The following PDZD2 variants were observed in gnomAD, a reference collection of about 807,000 sequenced individuals.
PDZD2 encodes the protein PDZ domain containing 2.
PDZD2 carries 90 observed loss-of-function variants against 220.7 expected under a neutral mutation model. That is an observed-to-expected ratio of 0.41 (90% confidence interval 0.34 to 0.49). The LOEUF (loss-of-function observed/expected upper bound fraction) is 0.49. Ranked by LOEUF, PDZD2 falls within the 20% of genes least tolerant of loss-of-function variation. PDZD2 has a pLI of 0.28. For missense variants in PDZD2, 3,174 were observed against 3,608.5 expected (o/e 0.88, Z 3.08); for synonymous variants, 1,375 against 1,450.5 (o/e 0.95, Z 1.18).
At chr5:31,772,238 G>C (rs1752379318) in intron 1 of PDZD2, among the ~76,000 whole-genome samples, 1 of 152,076 alleles carries the variant, frequency 6.6e-6, no homozygotes. Context: ...CTGGTCACCT[G>C]CTCTGACCTA....
chr5:31,749,950 C>G (rs1580682012), intron 1 of PDZD2, among the ~76,000 whole-genome samples: 1 of 152,204 alleles, frequency 6.6e-6, no homozygotes, highest in Non-Finnish European at 1.5e-5. Flanking sequence ...TGTTGTTTAT[C>G]TTTGGGCTTG....
intron 1 of PDZD2, among the ~76,000 whole-genome samples, chr5:31,705,622 A>C (rs1321273068): frequency 1.3e-5 from 2 of 152,262 alleles, no homozygotes; most frequent in African/African-American, 4.8e-5. Context: ...GATTTGTATA[A>C]TAAAATAAGA....
intron 2 of PDZD2, among the ~76,000 whole-genome samples, chr5:31,933,111 A>G (rs1249425180): frequency 6.6e-6 from 1 of 152,066 alleles, no homozygotes; most frequent in Non-Finnish European, 1.5e-5. Context: ...GGGTTTCACC[A>G]TGTTGGCCAG....
At chr5:32,092,625 G>A (rs537986528) in intron 20 of PDZD2, among the ~76,000 whole-genome samples, 1 of 152,280 alleles carries the variant, frequency 6.6e-6, no homozygotes, top group South Asian at 2.1e-4. Flanking sequence ...TTTAAAACAT[G>A]TCAGAAGTGT....
intron 6 of PDZD2, 35 bp downstream of exon 6, chr5:32,010,517 AT>A: frequency 6.4e-7 from 1 of 1,555,116 alleles, no homozygotes; most frequent in Non-Finnish European, 8.9e-7. Flanking sequence ...TTCTGTTGGA[AT>A]TACTTTTTTC....
At chr5:31,967,542 C>T (rs1341688122) in intron 2 of PDZD2, among the ~76,000 whole-genome samples, 1 of 152,194 alleles carries the variant, frequency 6.6e-6, no homozygotes, top group African/African-American at 2.4e-5. Flanking sequence ...ATCTTTGACA[C>T]ACTTTTCAGG....
At position 31,886,118 on chromosome 5, in the gene PDZD2, G is replaced by C. The variant is rs571924042; in HGVS notation, c.476+86394G>C. ...TTCACCATGTTGGCCAGGCTGGTCT[G>C]TAACTCCTGACCTTAGTTGATCCGC... is the stretch of plus-strand genomic sequence containing the variant. On this transcript the variant is annotated intron_variant, in intron 2 of 24. Transcript: ENST00000438447. Among the ~76,000 whole-genome samples the C allele has an allele frequency of 1.6e-4, 25 of 152,092 alleles. No homozygotes were observed. In the South Asian group the frequency reaches 5.0e-3, roughly 30 times the overall value.
chr5:31,735,818 G>A (rs564605303), intron 1 of PDZD2, among the ~76,000 whole-genome samples: 2 of 152,192 alleles, frequency 1.3e-5, no homozygotes, highest in Non-Finnish European at 1.5e-5. Flanking sequence ...GGTAGCATGC[G>A]CCTGTAGTCC....
chr5:31,808,469 G>A (rs561915105), intron 2 of PDZD2, among the ~76,000 whole-genome samples: 2 of 152,298 alleles, frequency 1.3e-5, no homozygotes. Context: ...ATTCCTTTCA[G>A]ACTGCTGTCT....
chr5:31,649,521 C>T (rs1380825246), intron 1 of PDZD2, among the ~76,000 whole-genome samples: 1 of 152,044 alleles, frequency 6.6e-6, no homozygotes, highest in Non-Finnish European at 1.5e-5. Flanking sequence ...CATTTATTAT[C>T]TGTCTTAGCT....
At chr5:31,689,353 A>ATATATATATATTT in intron 1 of PDZD2, among the ~76,000 whole-genome samples, 18 of 35,114 alleles carry the variant, frequency 5.1e-4, no homozygotes, top group East Asian at 1.8e-3. Flanking sequence ...ATATATATAT[A>ATATATATATATTT]TTTTTTTTTT....
chr5:31,681,824 C>T (rs567865852), intron 1 of PDZD2, among the ~76,000 whole-genome samples: 50 of 152,216 alleles, frequency 3.3e-4, no homozygotes, highest in African/African-American at 1.2e-3. Flanking sequence ...TTTTGGTGAC[C>T]ATAGAGACTC....
chr5:31,840,436 A>ATT lies in PDZD2; in HGVS notation c.476+40713_476+40714insTT, dbSNP rs1561499293. 7.0e-4 allele frequency: 50 copies of ATT among 71,490 alleles called. 2 individuals carry two copies. Among genetic ancestry groups the ATT allele is most frequent in the African/African-American group, 2.0e-3 (36 of 17,584 alleles). The allele number at this position is 71,490 out of a possible 1,614,324, so 4.4% of individuals were successfully genotyped here. A position where few individuals can be genotyped will look rare whatever the true frequency, so the allele number is the denominator to read the frequency against. The stretch of plus-strand genomic sequence containing the variant: ...TATATATATATATATATATATATAT[A>ATT]TATATATATATATTTGTTTATAGTC... On this transcript the variant is annotated intron_variant, in intron 2 of 24. Transcript: ENST00000438447.
At chr5:31,727,026 G>A (rs1749188314) in intron 1 of PDZD2, among the ~76,000 whole-genome samples, 1 of 152,092 alleles carries the variant, frequency 6.6e-6, no homozygotes, top group African/African-American at 2.4e-5. Context: ...AGAGAGAAAG[G>A]GTGGGGGTGC....
At chr5:31,897,249 G>A (rs972216594) in intron 2 of PDZD2, among the ~76,000 whole-genome samples, 4 of 152,186 alleles carry the variant, frequency 2.6e-5, no homozygotes, top group African/African-American at 7.2e-5. Context: ...GAGTATGTCA[G>A]GCTGATGGGG....
chr5:31,667,235 CAAAAAAA>C (rs3031718), intron 1 of PDZD2, among the ~76,000 whole-genome samples: 4 of 52,842 alleles, frequency 7.6e-5, no homozygotes, highest in African/African-American at 3.3e-4. Flanking sequence ...GACTCCGTCT[CAAAAAAA>C]AAAAAAAAAA....
chr5:32,000,042 C>A lies in PDZD2; in HGVS notation c.1122-97C>A. 1 of 1,037,390 alleles carries A rather than the reference C, an allele frequency of 9.6e-7. No homozygotes were observed. The highest frequency in any genetic ancestry group is 1.4e-6 in the Non-Finnish European group (1 of 690,448). 64.3% of individuals were successfully genotyped at this position (1,037,390 alleles called of 1,614,324 possible). A position where few individuals can be genotyped will look rare whatever the true frequency, so the allele number is the denominator to read the frequency against. On this transcript the variant is annotated intron_variant, in intron 4 of 24. Transcript: ENST00000438447. This position sits in a 1 kb window ranked among gnomAD's most constrained non-coding sequence, Gnocchi z 4.5. ...GTATCCTCTTTAGCCCAATCTTAAC[C>A]GTCCCTCCTCACAACCCTCCCTAGC...
intron 5 of PDZD2, among the ~76,000 whole-genome samples, chr5:32,003,114 CA>C (rs1752404718): frequency 2.3e-5 from 1 of 43,796 alleles, no homozygotes; most frequent in African/African-American, 3.7e-5. Flanking sequence ...CCCACAAACA[CA>C]CCACGCGCCA....
chr5:32,026,391 G>C (rs904045534), intron 6 of PDZD2, among the ~76,000 whole-genome samples: 1 of 152,072 alleles, frequency 6.6e-6, no homozygotes, highest in African/African-American at 2.4e-5. Context: ...GCCCGCCTCC[G>C]CCTCCCAAAG....
Sources: gnomAD v4.1 joint callset for allele counts (sites outside exome capture counted in the v4.1 genomes callset) on GRCh38, gnomAD v4.1.1 for gene constraint, Gnocchi (gnomAD v3.1) non-coding constraint, MANE v1.5 for transcripts, NCBI Gene and HGNC (gene_info 2026-07-23, HGNC 2026-07-21) for gene names.